The following SPINDOC variants were observed in gnomAD, a reference collection of about 807,000 sequenced individuals.
SPINDOC encodes the protein spindlin interactor and repressor of chromatin binding.
In SPINDOC, 13 loss-of-function variants were observed where a neutral mutation model predicts 30.7. The ratio of observed to expected loss-of-function variants is 0.42; its 90% CI spans 0.28 to 0.67. SPINDOC has a LOEUF of 0.67. Among genes scored for constraint, SPINDOC ranks in the 30% least tolerant of loss-of-function variants. The probability of loss-of-function intolerance (pLI) is 0.22; values close to 1 mark genes in which losing one functional copy is unlikely to be tolerated. For synonymous variants in SPINDOC, 228 were observed against 211.4 expected, an observed-to-expected ratio of 1.08 and a Z score of -0.68; for missense variants, 438 against 518.0, an observed-to-expected ratio of 0.85 and a Z score of 1.50.
At position 63,817,995 on chromosome 11, in the gene SPINDOC, T is replaced by A. The variant is rs957625495; in HGVS notation, c.318T>A (p.Ala106=). 6.2e-7 allele frequency: 1 copy of A among 1,614,048 alleles called. No individual in the cohort carries two copies. Among genetic ancestry groups the A allele is most frequent in the Non-Finnish European group, 8.5e-7 (1 of 1,180,024 alleles). Residue 106 remains alanine (A), a synonymous_variant, in exon 2 of 6, where the codon GCT becomes GCA. Coordinates refer to ENST00000294244, the MANE Select transcript of SPINDOC (RefSeq NM_138471.3). ...TCCGGGCACCCTCGGCCGACACAGC[T>A]CGCTCGCACATCTTGGAGCAGCACC... ...AEIRAPSADT[A]RSHILEQHPH...
rs200991065 is a variant in SPINDOC at position 63,827,124 on chromosome 11, A to G, written c.1131A>G (p.Lys377=). Reference sequence around the variant, plus strand: ...CCACTGTGGCAGGGAAGCCGGAAAAAGGGAATGGAGTGTAAATTCTTGCTT... The same window carrying G: ...CCACTGTGGCAGGGAAGCCGGAAAAGGGGAATGGAGTGTAAATTCTTGCTT... The part of the protein sequence containing the change: ...SSTTVAGKPE[K]GNGV The change falls in exon 6 of 6, where the codon AAA becomes AAG. Residue 377 remains lysine (K), a synonymous_variant. Transcript: ENST00000294244. 9.8e-6 allele frequency: 13 copies of G among 1,324,056 alleles called. No homozygotes were observed. In the East Asian group the frequency reaches 4.6e-4, roughly 47 times the overall value. The allele number at this position is 1,324,056 out of a possible 1,614,324, so 82.0% of individuals were successfully genotyped here. A position where few individuals can be genotyped will look rare whatever the true frequency, so the allele number is the denominator to read the frequency against.
intron 5 of SPINDOC, among the ~76,000 whole-genome samples, chr11:63,821,274 CT>C (rs1199106232): frequency 1.3e-5 from 2 of 152,146 alleles, no homozygotes; most frequent in African/African-American, 4.8e-5. Context: ...CTAGTAGAGT[CT>C]TTCTCAGATA....
chr11:63,814,162 C>A (rs1278968474), intron 1 of SPINDOC, among the ~76,000 whole-genome samples: 1 of 152,204 alleles, frequency 6.6e-6, no homozygotes, highest in Non-Finnish European at 1.5e-5. Context: ...TTGCGGCCGC[C>A]GTCTCACAGC....
At chr11:63,822,433 C>G (rs1425017972) in intron 5 of SPINDOC, among the ~76,000 whole-genome samples, 2 of 151,202 alleles carry the variant, frequency 1.3e-5, no homozygotes, top group Admixed American at 1.3e-4. Flanking sequence ...ACACTCCACT[C>G]ACCCCTCACA....
intron 1 of SPINDOC, among the ~76,000 whole-genome samples, chr11:63,815,723 G>A (rs537664440): frequency 3.0e-4 from 46 of 152,110 alleles, no homozygotes; most frequent in Middle Eastern, 6.8e-3. Flanking sequence ...AGATACAGAT[G>A]CTGGAGATAC....
At chr11:63,825,065 G>T (rs2015621472) in intron 5 of SPINDOC, among the ~76,000 whole-genome samples, 1 of 152,170 alleles carries the variant, frequency 6.6e-6, no homozygotes, top group Non-Finnish European at 1.5e-5. Flanking sequence ...AGGTCTCCTG[G>T]CTGCTGAGCT....
In SPINDOC at chr11:63,818,351, C is replaced by T; in HGVS notation, c.593C>T (p.Pro198Leu). 6.2e-7 allele frequency: 1 copy of T among 1,613,914 alleles called. No individual in the cohort carries two copies. Among genetic ancestry groups the T allele is most frequent in the Non-Finnish European group, 8.5e-7 (1 of 1,179,950 alleles). Residue 198 changes from proline to leucine, a missense_variant, in exon 3 of 6, where the codon CCC (proline) becomes CTC (leucine). Pro to Leu is a moderately conservative substitution (Grantham distance 98). Around this residue, in one of 3 missense-constraint regions of SPINDOC, gnomAD observed 300 missense variants for 332.8 expected, o/e 0.90. Coordinates refer to ENST00000294244, the MANE Select transcript of SPINDOC (RefSeq NM_138471.3). This position sits in a 1 kb window ranked among gnomAD's most constrained non-coding sequence, Gnocchi z 5.3. ...PKRSRPRGLRPLELPAVPATE... is the reference protein window; with the variant it reads ...PKRSRPRGLRLLELPAVPATE... The stretch of plus-strand genomic sequence containing the variant: ...AGGAGCCGGCCCAGGGGACTCCGCC[C>T]CCTCGAGCTTCCTGGTTAGTCAACA...
chr11:63,824,578 G>A (rs575957406), intron 5 of SPINDOC, among the ~76,000 whole-genome samples: 2 of 150,164 alleles, frequency 1.3e-5, no homozygotes, highest in African/African-American at 4.8e-5. Flanking sequence ...TCGCTCCCTG[G>A]GAGATCTCAT....
Position 63,818,483 on chromosome 11 carries a change from G to A in SPINDOC, c.608-44G>A, listed in dbSNP as rs1035985997. ...AGGAGCCCTGGGGTGGCAGGGTTCG[G>A]GGATGGCCTCTTTAAAAGGGTATGA... is the stretch of plus-strand genomic sequence containing the variant. On this transcript the variant is annotated intron_variant, in intron 3 of 5. Coordinates refer to ENST00000294244, the MANE Select transcript of SPINDOC (RefSeq NM_138471.3). The surrounding 1 kb of genome is among the most constrained non-coding windows in gnomAD (Gnocchi z 5.3). 6.2e-7 allele frequency: 1 copy of A among 1,606,658 alleles called. No individual in the cohort carries two copies. Among genetic ancestry groups the A allele is most frequent in the Non-Finnish European group, 8.5e-7 (1 of 1,178,800 alleles).
Position 63,817,045 on chromosome 11 carries a change from C to G in SPINDOC, c.128-760C>G, listed in dbSNP as rs1295922024. Among the ~76,000 whole-genome samples, 3 of 152,158 alleles carry G rather than the reference C, an allele frequency of 2.0e-5. No individual in the cohort carries two copies. In the East Asian group the frequency reaches 5.8e-4, roughly 29 times the overall value. On this transcript the variant is annotated intron_variant, in intron 1 of 5. Transcript: ENST00000294244. ...TTTGTTAATTAGCTGGGTGTGATAGCATGCATCTATCTGTAGCCCTAGCTA... is the reference window on the plus strand; with the variant it reads ...TTTGTTAATTAGCTGGGTGTGATAGGATGCATCTATCTGTAGCCCTAGCTA...
chr11:63,821,652 A>G (rs2015524180), intron 5 of SPINDOC, among the ~76,000 whole-genome samples: 1 of 152,202 alleles, frequency 6.6e-6, no homozygotes, highest in South Asian at 2.1e-4. Flanking sequence ...GTCTCCTTGT[A>G]CCAACTTGTC....
chr11:63,818,994 C>T lies in SPINDOC; in HGVS notation c.926C>T (p.Pro309Leu). 1 of 1,613,366 alleles carries T rather than the reference C, an allele frequency of 6.2e-7. No homozygotes were observed. Among genetic ancestry groups the T allele is most frequent in the Middle Eastern group, 1.7e-4 (1 of 6,060 alleles). ...AEGGLPRAESPSPAPPPGLRG... is the reference protein window; with the variant it reads ...AEGGLPRAESLSPAPPPGLRG... Reference sequence around the variant, plus strand: ...GGAGGCCTTCCCCGGGCGGAGAGCCCCTCTCCAGGTGAGCCCTCCTGAGAG... The same window carrying T: ...GGAGGCCTTCCCCGGGCGGAGAGCCTCTCTCCAGGTGAGCCCTCCTGAGAG... The change falls in exon 5 of 6, where the codon CCC (proline) becomes CTC (leucine). Residue 309 changes from proline to leucine, a missense_variant. Transcript: ENST00000294244. The surrounding 1 kb of genome is among the most constrained non-coding windows in gnomAD (Gnocchi z 5.3).
intron 5 of SPINDOC, among the ~76,000 whole-genome samples, chr11:63,820,473 A>T (rs2015483482): frequency 1.3e-5 from 2 of 152,018 alleles, no homozygotes; most frequent in African/African-American, 4.8e-5. Context: ...AGAAGGGCAG[A>T]TGTCCATTCC....
intron 5 of SPINDOC, among the ~76,000 whole-genome samples, chr11:63,821,626 A>T (rs1169390068): frequency 1.3e-5 from 2 of 152,238 alleles, no homozygotes; most frequent in East Asian, 3.8e-4. Context: ...GAAGAAGTGA[A>T]TAGGTAGGAG....
chr11:63,827,127 G>T lies in SPINDOC; in HGVS notation c.1134G>T (p.Gly378=). The T allele has an allele frequency of 7.7e-7, 1 of 1,300,992 alleles. No individual in the cohort carries two copies. The allele number at this position is 1,300,992 out of a possible 1,614,324, so 80.6% of individuals were successfully genotyped here. A position where few individuals can be genotyped will look rare whatever the true frequency, so the allele number is the denominator to read the frequency against. The change falls in exon 6 of 6, where the codon GGG becomes GGT. Residue 378 remains glycine (G), a synonymous_variant. Transcript: ENST00000294244. ...STTVAGKPEK[G]NGV is the part of the protein sequence containing the mutation. ...CTGTGGCAGGGAAGCCGGAAAAAGG[G>T]AATGGAGTGTAAATTCTTGCTTTCC...
chr11:63,816,870 G>C (rs1229323019), intron 1 of SPINDOC, among the ~76,000 whole-genome samples: 2 of 152,192 alleles, frequency 1.3e-5, no homozygotes, highest in Admixed American at 6.5e-5. Flanking sequence ...GTTCTGAGGG[G>C]ATGGGGTGGC....
At chr11:63,815,681 A>G (rs1345825414) in intron 1 of SPINDOC, among the ~76,000 whole-genome samples, 1 of 152,132 alleles carries the variant, frequency 6.6e-6, no homozygotes, top group Admixed American at 6.6e-5. Context: ...CTCATCACAC[A>G]TTACTAAATG....
chr11:63,823,623 T>TCTC (rs1407439939), intron 5 of SPINDOC, among the ~76,000 whole-genome samples: 3 of 152,106 alleles, frequency 2.0e-5, no homozygotes, highest in African/African-American at 4.8e-5. Context: ...GGAGATGGAG[T>TCTC]CTCGCTCTGT....
chr11:63,819,045 C>T (rs2015436201), intron 5 of SPINDOC, 43 bp downstream of exon 5: 2 of 1,339,402 alleles, frequency 1.5e-6, no homozygotes, highest in Admixed American at 2.0e-5. Flanking sequence ...ACCTCGCAGG[C>T]AGCGCTCCTG....
Sources: allele counts gnomAD v4.1 joint callset (sites outside exome capture counted in the v4.1 genomes callset), GRCh38; gene constraint gnomAD v4.1.1; regional missense constraint gnomAD v4.1.1; non-coding constraint Gnocchi (gnomAD v3.1); transcripts MANE v1.5; gene names NCBI Gene and HGNC (gene_info 2026-07-23, HGNC 2026-07-21).